Variants in RGS14 observed in about 807,000 individuals in gnomAD.
RGS14 encodes the protein regulator of G-protein signaling 14.
Under a neutral mutation model 63.8 loss-of-function variants are expected in RGS14, and 33 were observed. The observed-to-expected ratio is 0.52, with a 90% CI of 0.39 to 0.69. RGS14 has a LOEUF of 0.69. Ranked by LOEUF, RGS14 falls within the 30% of genes least tolerant of loss-of-function variation. The pLI is 0.00. For synonymous variants in RGS14, 296 were observed against 320.9 expected (o/e 0.92, Z 0.83); for missense variants, 739 against 742.9 (o/e 0.99, Z 0.06).
rs768363025 is a variant in RGS14, at chr5:177,366,228, C to T, written c.119C>T (p.Ser40Phe). Residue 40 changes from serine (S) to phenylalanine (F), a missense_variant, in exon 3 of 15, where the codon TCT becomes TTT. Coordinates refer to ENST00000408923, the MANE Select transcript of RGS14 (RefSeq NM_006480.5). ...GGCCAGGGCGAGGGCCGCGGCAGCT[C>T]TCTCAGCATCCACAGCCTCCCCAGT... ...PQGQGEGRGS[S>F]LSIHSLPSGP... 2.5e-6 allele frequency: 4 copies of T among 1,598,630 alleles called. No homozygotes were observed. The highest frequency in any genetic ancestry group is 3.4e-5 in the Admixed American group (2 of 58,276).
At position 177,371,977 on chromosome 5, in the gene RGS14, G is replaced by A. The variant is rs780036491; in HGVS notation, c.1603G>A (p.Ala535Thr). The A allele has an allele frequency of 5.1e-5, 82 of 1,613,970 alleles. No homozygotes were observed. Among genetic ancestry groups the A allele is most frequent in the Admixed American group, 1.0e-4 (6 of 60,000 alleles). ...ACTTCCAGAATTTCTGCAGCTGCCC[G>A]CCCAAGGGCCCAGCTCCGAGGAGAC... ...LVLPEFLQLP[A>T]QGPSSEETPP... is the part of the protein sequence containing the mutation. The change falls in exon 15 of 15, where the codon GCC becomes ACC. Residue 535 changes from alanine (A) to threonine (T), a missense_variant. By Grantham distance (58) the Ala-to-Thr change is moderately conservative. Coordinates refer to ENST00000408923, the MANE Select transcript of RGS14 (RefSeq NM_006480.5). The surrounding 1 kb of genome is among the most constrained non-coding windows in gnomAD (Gnocchi z 6.1).
At chr5:177,366,528 C>A in intron 3 of RGS14, 173 bp downstream of exon 3, 1 of 791,350 alleles carries the variant, frequency 1.3e-6, no homozygotes, top group Non-Finnish European at 2.0e-6. Flanking sequence ...CTGTCCTTGT[C>A]TCTGCCTCTC....
At position 177,368,244 on chromosome 5, in the gene RGS14, C is replaced by A. The variant is rs917973400; in HGVS notation, c.827C>A (p.Ala276Asp). 3 of 1,613,292 alleles carry A rather than the reference C, an allele frequency of 1.9e-6. No individual in the cohort carries two copies. The highest frequency in any genetic ancestry group is 2.2e-5 in the South Asian group (2 of 91,028). ...GCCAGCCTGGACCTTGGCTTCCTAG[C>A]CTTCGTCAGCAGCAAATCTGAGGTG... ...SSASLDLGFL[A>D]FVSSKSESHR... Residue 276 changes from alanine (A) to aspartate (D), a missense_variant, in exon 8 of 15, where the codon GCC becomes GAC. Physicochemically the swap from Ala to Asp is moderately radical, Grantham distance 126. Coordinates refer to ENST00000408923, the MANE Select transcript of RGS14 (RefSeq NM_006480.5).
In RGS14 at chr5:177,366,734, G is replaced by A. The variant is rs750100675; in HGVS notation, c.273G>A (p.Ala91=). The A allele has an allele frequency of 8.1e-6, 13 of 1,614,004 alleles. No individual in the cohort carries two copies. In the South Asian group the frequency reaches 1.1e-4, roughly 14 times the overall value. The stretch of plus-strand genomic sequence containing the variant: ...AGTTCCTGAAGAAGGAGTTCAGCGC[G>A]GAAAACGTGACTTTCTGGAAGGCCT... ...FTEFLKKEFS[A]ENVTFWKACE... is the part of the protein sequence containing the mutation. The change falls in exon 4 of 15, where the codon GCG becomes GCA. Residue 91 remains alanine (A), a synonymous_variant. Coordinates refer to ENST00000408923, the MANE Select transcript of RGS14 (RefSeq NM_006480.5).
chr5:177,365,509 G>A (rs566665134), intron 1 of RGS14, among the ~76,000 whole-genome samples: 1 of 152,278 alleles, frequency 6.6e-6, no homozygotes, highest in Non-Finnish European at 1.5e-5. Context: ...AGCCAATGCT[G>A]TGAATATATT....
intron 9 of RGS14, among the ~76,000 whole-genome samples, chr5:177,369,249 G>A (rs946339785): frequency 8.5e-5 from 13 of 152,188 alleles, no homozygotes; most frequent in Non-Finnish European, 1.5e-4. Context: ...ATGGCCATCC[G>A]TGGGGTGCCC....
At position 177,371,265 on chromosome 5, in the gene RGS14, G is replaced by A. The variant is rs1762260563; in HGVS notation, c.1336+19G>A. On this transcript the variant is annotated intron_variant, in intron 12 of 14. Transcript: ENST00000408923. This position sits in a 1 kb window ranked among gnomAD's most constrained non-coding sequence, Gnocchi z 6.1. Reference sequence around the variant, plus strand: ...CTTCCAGGTAGGGGACGCTGGCCTCGGGGCTTGATCTGGAACAGCTGTGGC... The same window carrying A: ...CTTCCAGGTAGGGGACGCTGGCCTCAGGGCTTGATCTGGAACAGCTGTGGC... 6.2e-7 allele frequency: 1 copy of A among 1,613,948 alleles called. No homozygotes were observed.
At position 177,368,632 on chromosome 5, in the gene RGS14, C is replaced by T. The variant is rs77881579; in HGVS notation, c.850-85C>T. ...GGGAGTGCGTGTGCATGCTTGAGCC[C>T]CAGCAAGCTTACCTATCTCTGTGTA... On this transcript the variant is annotated intron_variant, in intron 8 of 14. Transcript: ENST00000408923. 10,188 of 1,403,124 alleles carry T rather than the reference C, an allele frequency of 7.3e-3. 610 individuals carry two copies. The Admixed American group carries it at 0.11, about 16-fold the overall frequency. 86.9% of individuals were successfully genotyped at this position (1,403,124 alleles called of 1,614,324 possible). A position where few individuals can be genotyped will look rare whatever the true frequency, so the allele number is the denominator to read the frequency against.
chr5:177,362,700 AG>A (rs903159223), intron 1 of RGS14, among the ~76,000 whole-genome samples: 21 of 150,892 alleles, frequency 1.4e-4, no homozygotes, highest in East Asian at 7.8e-4. Context: ...GTGAGGCTGA[AG>A]GGGGTTCATT....
chr5:177,360,174 C>A (rs1761930305), intron 1 of RGS14, among the ~76,000 whole-genome samples: 1 of 152,170 alleles, frequency 6.6e-6, no homozygotes, highest in African/African-American at 2.4e-5. Context: ...CATTCAACAA[C>A]CCCTCCTTAG....
rs1762167785 is a variant in RGS14 at position 177,368,706 on chromosome 5, C to T, written c.850-11C>T. On this transcript the variant is annotated splice_polypyrimidine_tract_variant and intron_variant, in intron 8 of 14. Coordinates refer to ENST00000408923, the MANE Select transcript of RGS14 (RefSeq NM_006480.5). ...GTACACATAATCTCCCCCACTCCTG[C>T]CATGAATCAGAGCCACCGGAAGAGC... 1.2e-6 allele frequency: 2 copies of T among 1,613,666 alleles called. No individual in the cohort carries two copies. Among genetic ancestry groups the T allele is most frequent in the Admixed American group, 1.7e-5 (1 of 60,004 alleles).
intron 1 of RGS14, among the ~76,000 whole-genome samples, chr5:177,362,901 A>G (rs1283642114): frequency 1.3e-5 from 2 of 152,170 alleles, no homozygotes; most frequent in Admixed American, 6.5e-5. Flanking sequence ...ACAAAATTGA[A>G]GTGCTGGCTG....
At position 177,366,316 on chromosome 5, in the gene RGS14, G is replaced by A; in HGVS notation, c.207G>A (p.Glu69=). Residue 69 remains glutamate (E), a synonymous_variant, in exon 3 of 15, where the codon GAG becomes GAA. Transcript: ENST00000408923. ...QPVASWALSF[E]RLLQDPLGLA... is the part of the protein sequence containing the mutation. ...TGGCCAGCTGGGCCCTGTCCTTCGA[G>A]CGGCTGTTGCAGGACCCGCTGGGCC... 1 of 1,553,422 alleles carries A rather than the reference G, an allele frequency of 6.4e-7. No individual in the cohort carries two copies. The highest frequency in any genetic ancestry group is 8.7e-7 in the Non-Finnish European group (1 of 1,149,262).
rs1762259166 is a variant in RGS14, at chr5:177,371,200, A to G, written c.1290A>G (p.Leu430=). The change falls in exon 12 of 15, where the codon CTA becomes CTG. Residue 430 remains leucine (L), a synonymous_variant. Transcript: ENST00000408923. This position sits in a 1 kb window ranked among gnomAD's most constrained non-coding sequence, Gnocchi z 6.1. ...AACAGCCTCTGGATCTGGGGAAGCT[A>G]GTGAGCTCGGTGGCGGCCCAGAGAC... The part of the protein sequence containing the change: ...GEKQPLDLGK[L]VSSVAAQRLV... 1.2e-6 allele frequency: 2 copies of G among 1,612,648 alleles called. No individual in the cohort carries two copies. Among genetic ancestry groups the G allele is most frequent in the African/African-American group, 1.3e-5 (1 of 74,630 alleles).
rs1215808282 is a variant in RGS14, at chr5:177,370,555, G to A, written c.1054-36G>A. 3 of 1,588,916 alleles carry A rather than the reference G, an allele frequency of 1.9e-6. No individual in the cohort carries two copies. The African/African-American group carries it at 4.0e-5, about 21-fold the overall frequency. On this transcript the variant is annotated intron_variant, in intron 9 of 14. Coordinates refer to ENST00000408923, the MANE Select transcript of RGS14 (RefSeq NM_006480.5). ...CCACAGGGATGGCTGGGGGTTGGGG[G>A]AGGGACTCTTAGACCCTGCCTGGCA...
intron 10 of RGS14, 116 bp downstream of exon 10, chr5:177,370,780 A>AC (rs1762221432): frequency 2.0e-6 from 3 of 1,494,554 alleles, no homozygotes; most frequent in East Asian, 4.8e-5. Context: ...CCTGGGACAA[A>AC]CCCCGCCCCC....
In RGS14 at chr5:177,368,808, C is replaced by T; in HGVS notation, c.941C>T (p.Ser314Phe). 1 of 1,614,268 alleles carries T rather than the reference C, an allele frequency of 6.2e-7. No individual in the cohort carries two copies. The highest frequency in any genetic ancestry group is 8.5e-7 in the Non-Finnish European group (1 of 1,180,046). The change falls in exon 9 of 15, where the codon TCC becomes TTC. Residue 314 changes from serine (S) to phenylalanine (F), a missense_variant. By Grantham distance (155) the Ser-to-Phe change is radical (BLOSUM62 -2). Coordinates refer to ENST00000408923, the MANE Select transcript of RGS14 (RefSeq NM_006480.5). ...GTGTACCTGCCCGATGGCACAGCCT[C>T]CTTGGCCCTGGCCAGACCTGGCCTC... is the stretch of plus-strand genomic sequence containing the variant. Reference protein sequence around the residue: ...CCVYLPDGTASLALARPGLTI... With the variant: ...CCVYLPDGTAFLALARPGLTI...
chr5:177,370,890 G>T lies in RGS14; in HGVS notation c.1128-15G>T, dbSNP rs200640524. 3.8e-6 allele frequency: 6 copies of T among 1,598,214 alleles called. No individual in the cohort carries two copies. Among genetic ancestry groups the T allele is most frequent in the Non-Finnish European group, 5.1e-6 (6 of 1,177,788 alleles). On this transcript the variant is annotated splice_polypyrimidine_tract_variant and intron_variant, in intron 10 of 14. Coordinates refer to ENST00000408923, the MANE Select transcript of RGS14 (RefSeq NM_006480.5). ...CCGGCCCTCCGGCCCTCTGCTGCCC[G>T]AGGGTTCCTCGCAGGCTGGAGCTGA...
rs1762294230 is a variant in RGS14, at chr5:177,372,321, G to A, written c.*246G>A. ...GCAGCCAGGCCACAATGGGGGAGGTGAGTCCAGCCCCTTGGAACAGGCTTG... is the reference window on the plus strand; with the variant it reads ...GCAGCCAGGCCACAATGGGGGAGGTAAGTCCAGCCCCTTGGAACAGGCTTG... On this transcript the variant is annotated 3_prime_UTR_variant, in exon 15 of 15. Coordinates refer to ENST00000408923, the MANE Select transcript of RGS14 (RefSeq NM_006480.5). 1.9e-6 allele frequency: 1 copy of A among 529,174 alleles called. No individual in the cohort carries two copies. Among genetic ancestry groups the A allele is most frequent in the Non-Finnish European group, 3.4e-6 (1 of 296,682 alleles). The allele number at this position is 529,174 out of a possible 1,614,324, so 32.8% of individuals were successfully genotyped here.
Sources: gnomAD v4.1 joint callset for allele counts (sites outside exome capture counted in the v4.1 genomes callset) on GRCh38, gnomAD v4.1.1 for gene constraint, Gnocchi (gnomAD v3.1) non-coding constraint, MANE v1.5 for transcripts, NCBI Gene and HGNC (gene_info 2026-07-23, HGNC 2026-07-21) for gene names.